The following RGS6 variants were observed in gnomAD, a reference collection of about 807,000 sequenced individuals.
RGS6 encodes the protein regulator of G protein signaling 6, also known as regulator of G-protein signaling 6.
RGS6 carries 30 observed loss-of-function variants against 78.5 expected under a neutral mutation model. That is an observed-to-expected ratio of 0.38 (90% CI 0.29 to 0.52). The LOEUF is 0.52. Ranked by LOEUF, RGS6 falls within the 20% of genes least tolerant of loss-of-function variation. The pLI, the probability that RGS6 is intolerant of heterozygous loss-of-function variation, is 0.85. For synonymous variants in RGS6, 206 were observed against 206.0 expected (o/e 1.00, Z 0.00); for missense variants, 495 against 609.7 (o/e 0.81, Z 1.98).
intron 17 of RGS6, among the ~76,000 whole-genome samples, chr14:72,549,810 C>T (rs978912221): frequency 1.3e-5 from 2 of 152,138 alleles, no homozygotes; most frequent in Non-Finnish European, 1.5e-5. Context: ...TGCAGTGAGC[C>T]AAGCTTGCAC....
At chr14:71,910,502 C>T in the RGS6 span, among the ~76,000 whole-genome samples, 6 of 152,328 alleles carry the variant, frequency 3.9e-5, no homozygotes, top group African/African-American at 1.4e-4. Flanking sequence ...CTTTGAGTCA[C>T]CTTTCATTGA....
At chr14:72,381,654 C>A (rs576831805) in intron 3 of RGS6, among the ~76,000 whole-genome samples, 1 of 152,154 alleles carries the variant, frequency 6.6e-6, no homozygotes, top group Admixed American at 6.6e-5. Context: ...TATCACTACC[C>A]TATCTTTACC....
chr14:72,133,198 C>A (rs1366591545), intron 2 of RGS6, among the ~76,000 whole-genome samples: 2 of 152,140 alleles, frequency 1.3e-5, no homozygotes, highest in African/African-American at 2.4e-5. Flanking sequence ...TTTCTCTCAT[C>A]CCCAAGTTTC....
At position 72,365,212 on chromosome 14, in the gene RGS6, C is replaced by T. The variant is rs555040162; in HGVS notation, c.184+13018C>T. ...GAGAACATTCTAGAAAAAGAATGTA[C>T]TTGCCAAAAAAGTCAAAACTGAGAT... is the stretch of plus-strand genomic sequence containing the variant. On this transcript the variant is annotated intron_variant, in intron 3 of 17. Transcript: ENST00000553525. 7.2e-5 allele frequency among the ~76,000 whole-genome samples: 11 copies of T among 152,272 alleles called. No homozygotes were observed. The East Asian group carries it at 1.5e-3, about 21-fold the overall frequency.
chr14:72,441,963 A>G (rs1387537976), intron 3 of RGS6, among the ~76,000 whole-genome samples: 1 of 152,230 alleles, frequency 6.6e-6, no homozygotes, highest in East Asian at 1.9e-4. Flanking sequence ...GGAAAGGTGC[A>G]CTCATAGCGA....
intron 3 of RGS6, among the ~76,000 whole-genome samples, chr14:72,453,581 A>G (rs950174142): frequency 3.1e-5 from 4 of 127,730 alleles, no homozygotes; most frequent in Non-Finnish European, 6.2e-5. Context: ...CCGCCACTGC[A>G]CTCCAGCCTG....
intron 2 of RGS6, among the ~76,000 whole-genome samples, chr14:71,995,594 G>A (rs539840126): frequency 6.6e-6 from 1 of 152,138 alleles, no homozygotes; most frequent in Non-Finnish European, 1.5e-5. Flanking sequence ...GATAATAATG[G>A]TGCTCGCCTC....
chr14:72,176,666 C>T (rs1326578321), intron 2 of RGS6, among the ~76,000 whole-genome samples: 1 of 151,974 alleles, frequency 6.6e-6, no homozygotes, highest in Non-Finnish European at 1.5e-5. Context: ...GGTCCGTGAA[C>T]AGTGATGAGT....
intron 2 of RGS6, among the ~76,000 whole-genome samples, chr14:72,123,290 C>T (rs1156707123): frequency 6.6e-6 from 1 of 152,104 alleles, no homozygotes; most frequent in African/African-American, 2.4e-5. Context: ...ATTTTTTCTT[C>T]ATTTATACCT....
At chr14:72,388,428 C>G (rs560358845) in intron 3 of RGS6, among the ~76,000 whole-genome samples, 36 of 152,302 alleles carry the variant, frequency 2.4e-4, no homozygotes, top group African/African-American at 8.7e-4. Flanking sequence ...AGTGCAATAA[C>G]TAATACAGCC....
intron 2 of RGS6, among the ~76,000 whole-genome samples, chr14:72,224,809 T>G (rs566320877): frequency 1.3e-3 from 203 of 152,198 alleles, no homozygotes; most frequent in South Asian, 3.7e-3. Flanking sequence ...GACCTGAGCC[T>G]AAACCACCCA....
chr14:72,344,577 T>C (rs2077635014), intron 2 of RGS6, among the ~76,000 whole-genome samples: 1 of 152,182 alleles, frequency 6.6e-6, no homozygotes, highest in Admixed American at 6.5e-5. Context: ...CAAGATAAAG[T>C]TCTTTAAGAA....
chr14:72,209,696 G>A (rs1454255548), intron 2 of RGS6, among the ~76,000 whole-genome samples: 1 of 152,174 alleles, frequency 6.6e-6, no homozygotes, highest in Non-Finnish European at 1.5e-5. Context: ...CACTCCAGAA[G>A]GATTTTTTGT....
intron 2 of RGS6, among the ~76,000 whole-genome samples, chr14:72,049,006 CAG>C (rs2093054798): frequency 6.6e-6 from 1 of 152,066 alleles, no homozygotes; most frequent in South Asian, 2.1e-4. Context: ...AACAATTTCC[CAG>C]AGTTAATTCC....
At chr14:72,105,290 A>T (rs1355205801) in intron 2 of RGS6, among the ~76,000 whole-genome samples, 1 of 152,152 alleles carries the variant, frequency 6.6e-6, no homozygotes, top group Non-Finnish European at 1.5e-5. Context: ...GTAAAATTTT[A>T]TTTGTACTTT....
chr14:72,559,947 C>T (rs2097647769), intron 17 of RGS6, among the ~76,000 whole-genome samples: 2 of 152,134 alleles, frequency 1.3e-5, no homozygotes, highest in Non-Finnish European at 2.9e-5. Context: ...ATAGAATCTC[C>T]AACCTCCCTC....
chr14:72,015,481 A>G (rs2086749173), intron 2 of RGS6, among the ~76,000 whole-genome samples: 1 of 152,242 alleles, frequency 6.6e-6, no homozygotes, highest in African/African-American at 2.4e-5. Context: ...GAATAAATCA[A>G]GAGTCTTCAT....
chr14:72,066,427 C>A (rs2094147111), intron 2 of RGS6, among the ~76,000 whole-genome samples: 1 of 150,920 alleles, frequency 6.6e-6, no homozygotes, highest in Non-Finnish European at 1.5e-5. Flanking sequence ...TTTAAATACA[C>A]AAGATAATAG....
chr14:72,223,612 A>G (rs1367592438), intron 2 of RGS6, among the ~76,000 whole-genome samples: 1 of 152,246 alleles, frequency 6.6e-6, no homozygotes, highest in Admixed American at 6.5e-5. Flanking sequence ...TGGCTAAGGC[A>G]TGGTGATGCC....
Sources: allele counts gnomAD v4.1 joint callset (sites outside exome capture counted in the v4.1 genomes callset), GRCh38; gene constraint gnomAD v4.1.1; transcripts MANE v1.5; gene names NCBI Gene and HGNC (gene_info 2026-07-23, HGNC 2026-07-21).